The following SUPT3H variants were observed in gnomAD, a reference collection of about 807,000 sequenced individuals.
SUPT3H encodes SPT3 homolog, SAGA and STAGA complex component.
Under a neutral mutation model 44.3 loss-of-function variants are expected in SUPT3H, and 44 were observed. The ratio of observed to expected loss-of-function variants is 0.99; its 90% CI spans 0.78 to 1.28. The LOEUF (loss-of-function observed/expected upper bound fraction) is 1.28. SUPT3H is among the 50% of genes most tolerant of loss of function. The pLI is 0.00. For missense variants in SUPT3H, 380 were observed against 387.1 expected, an observed-to-expected ratio of 0.98 and a Z score of 0.15; for synonymous variants, 124 against 125.6, an observed-to-expected ratio of 0.99 and a Z score of 0.09.
At chr6:45,015,783 GCA>G (rs1381412091) in intron 4 of SUPT3H, among the ~76,000 whole-genome samples, 5 of 130,976 alleles carry the variant, frequency 3.8e-5, no homozygotes, top group Admixed American at 3.3e-4. Context: ...AAACTAAGAT[GCA>G]CACACGCGCG....
At chr6:45,189,983 T>G (rs75523462) in intron 2 of SUPT3H, among the ~76,000 whole-genome samples, 5,026 of 152,290 alleles carry the variant, frequency 0.033, 122 homozygotes, top group Non-Finnish European at 0.05. Flanking sequence ...CAAGGGAATG[T>G]CCCACTGCAT....
intron 11 of SUPT3H, among the ~76,000 whole-genome samples, chr6:44,818,887 A>C (rs1767083477): frequency 6.6e-6 from 1 of 152,236 alleles, no homozygotes. Flanking sequence ...GCCATATGGT[A>C]CATCTACATT....
At chr6:45,164,835 A>G (rs1047083572) in intron 2 of SUPT3H, among the ~76,000 whole-genome samples, 10 of 152,192 alleles carry the variant, frequency 6.6e-5, no homozygotes, top group Non-Finnish European at 1.3e-4. Context: ...TTCAGGATGT[A>G]GAGATCCACA....
At chr6:44,948,658 C>A (rs1188747331) in intron 9 of SUPT3H, among the ~76,000 whole-genome samples, 1 of 152,148 alleles carries the variant, frequency 6.6e-6, no homozygotes, top group Non-Finnish European at 1.5e-5. Context: ...CATCACTGGC[C>A]ATCAGAGAAA....
chr6:44,936,866 C>T (rs1006623039), intron 9 of SUPT3H, among the ~76,000 whole-genome samples: 35 of 152,144 alleles, frequency 2.3e-4, no homozygotes, highest in Non-Finnish European at 4.6e-4. Context: ...AGGGTTTTGC[C>T]ACATTAGCCA....
At chr6:45,038,121 A>C (rs1787965757) in intron 3 of SUPT3H, among the ~76,000 whole-genome samples, 1 of 152,174 alleles carries the variant, frequency 6.6e-6, no homozygotes, top group African/African-American at 2.4e-5. Context: ...ATGACAAATC[A>C]ATGAAAGATA....
chr6:44,975,247 C>T (rs144529262), intron 6 of SUPT3H, among the ~76,000 whole-genome samples: 5 of 152,132 alleles, frequency 3.3e-5, no homozygotes, highest in Admixed American at 1.3e-4. Flanking sequence ...CTTAGTTTCA[C>T]TCTCCCAGTT....
chr6:45,049,650 T>C (rs1226955752), intron 3 of SUPT3H, among the ~76,000 whole-genome samples: 2 of 152,254 alleles, frequency 1.3e-5, no homozygotes, highest in East Asian at 1.9e-4. Context: ...TTGGTTAAAG[T>C]AGTCTTTGAG....
At chr6:44,991,810 T>C (rs965406494) in intron 6 of SUPT3H, among the ~76,000 whole-genome samples, 5 of 152,142 alleles carry the variant, frequency 3.3e-5, no homozygotes, top group African/African-American at 1.2e-4. Flanking sequence ...AAACAAATAA[T>C]GATCTGTTAA....
At chr6:44,898,209 G>T (rs1368835598) in intron 10 of SUPT3H, among the ~76,000 whole-genome samples, 1 of 152,130 alleles carries the variant, frequency 6.6e-6, no homozygotes, top group Non-Finnish European at 1.5e-5. Flanking sequence ...CTTCCAGATG[G>T]TACCTGACAA....
chr6:45,062,766 G>A (rs1409302588), intron 3 of SUPT3H, among the ~76,000 whole-genome samples: 4 of 152,106 alleles, frequency 2.6e-5, no homozygotes, highest in East Asian at 3.9e-4. Flanking sequence ...CTTAAAAAGC[G>A]GCGAACCATG....
chr6:45,080,334 T>G (rs1795620333), intron 3 of SUPT3H, among the ~76,000 whole-genome samples: 1 of 152,146 alleles, frequency 6.6e-6, no homozygotes, highest in Non-Finnish European at 1.5e-5. Flanking sequence ...CTCATACATG[T>G]TGGTTTGAAT....
At chr6:44,840,292 G>A (rs1275272634) in intron 10 of SUPT3H, among the ~76,000 whole-genome samples, 7 of 152,158 alleles carry the variant, frequency 4.6e-5, no homozygotes, top group Non-Finnish European at 1.0e-4. Context: ...AAGGGCAAAT[G>A]GACCTTCCTC....
rs201077641 is a variant in SUPT3H, at chr6:45,296,185, TACAC to T, written c.101+69012_101+69015del. The stretch of plus-strand genomic sequence containing the variant: ...TACATACATATATACATACACATAC[TACAC>T]ACACACACACACACACACACACACA... On this transcript the variant is annotated intron_variant, in intron 2 of 10. Transcript: ENST00000371459. Among the ~76,000 whole-genome samples, 638 of 140,544 alleles carry T rather than the reference TACAC, an allele frequency of 4.5e-3. 8 individuals carry two copies. Among genetic ancestry groups the T allele is most frequent in the East Asian group, 0.018 (87 of 4,934 alleles). 92.2% of individuals were successfully genotyped at this position (140,544 alleles called of 152,430 possible). A position where few individuals can be genotyped will look rare whatever the true frequency, so the allele number is the denominator to read the frequency against.
rs189351430 is a variant in SUPT3H at position 44,897,872 on chromosome 6, G to A, written c.912+34781C>T. ...TGAGCCCTAGGCCTCATCTACTATC[G>A]TCCTGTCAACAAAGAGTTGACATTT... is the stretch of plus-strand genomic sequence containing the variant. On this transcript the variant is annotated intron_variant, in intron 10 of 10. Coordinates refer to ENST00000371459, the MANE Select transcript of SUPT3H (RefSeq NM_003599.4). Among the ~76,000 whole-genome samples the A allele has an allele frequency of 9.9e-3, 1,501 of 151,966 alleles. 15 individuals are homozygous for A. Among genetic ancestry groups the A allele is most frequent in the Non-Finnish European group, 0.012 (841 of 67,980 alleles).
At chr6:45,057,804 T>A (rs1220707084) in intron 3 of SUPT3H, among the ~76,000 whole-genome samples, 1 of 152,138 alleles carries the variant, frequency 6.6e-6, no homozygotes, top group Non-Finnish European at 1.5e-5. Flanking sequence ...GCAGACAAAC[T>A]GCTGGGAAAG....
intron 2 of SUPT3H, among the ~76,000 whole-genome samples, chr6:45,158,297 TA>T (rs1257722112): frequency 0.16 from 3,875 of 23,766 alleles, 533 homozygotes; most frequent in African/African-American, 0.35. Flanking sequence ...TATATATATA[TA>T]TTTTTTTTTT....
At chr6:44,966,829 G>C (rs1776848582) in intron 6 of SUPT3H, among the ~76,000 whole-genome samples, 1 of 152,160 alleles carries the variant, frequency 6.6e-6, no homozygotes, top group Non-Finnish European at 1.5e-5. Context: ...TGAAATAAAA[G>C]TCACTGAATA....
intron 2 of SUPT3H, among the ~76,000 whole-genome samples, chr6:45,364,805 G>C (rs943753028): frequency 6.6e-6 from 1 of 152,102 alleles, no homozygotes; most frequent in African/African-American, 2.4e-5. Flanking sequence ...TACAAGAGTT[G>C]AGAAAAACTA....
Sources: allele counts gnomAD v4.1 joint callset (sites outside exome capture counted in the v4.1 genomes callset), GRCh38; gene constraint gnomAD v4.1.1; transcripts MANE v1.5; gene names NCBI Gene and HGNC (gene_info 2026-07-23, HGNC 2026-07-21).